Variants in TJP1 observed in about 807,000 individuals in gnomAD.
The protein encoded by TJP1 is tight junction protein 1.
Under a neutral mutation model 194.2 loss-of-function variants are expected in TJP1, and 43 were observed. That is an observed-to-expected ratio of 0.22 (90% CI 0.17 to 0.29). The LOEUF is 0.29. Among genes scored for constraint, TJP1 ranks in the 10% least tolerant of loss-of-function variants. The probability of loss-of-function intolerance (pLI) is 1.00; values close to 1 mark genes in which losing one functional copy is unlikely to be tolerated. For synonymous variants in TJP1, 801 were observed against 779.0 expected (o/e 1.03, Z -0.47); for missense variants, 1,971 against 2,185.7 (o/e 0.90, Z 1.96).
At chr15:29,858,216 C>A (rs775352904) in intron 2 of TJP1, among the ~76,000 whole-genome samples, 1 of 152,128 alleles carries the variant, frequency 6.6e-6, no homozygotes, top group Non-Finnish European at 1.5e-5. Flanking sequence ...ACCTGGGCAA[C>A]ATGTCGAAAC....
chr15:29,853,614 TC>T (rs1328564154), intron 2 of TJP1, among the ~76,000 whole-genome samples: 1 of 152,000 alleles, frequency 6.6e-6, no homozygotes, highest in Non-Finnish European at 1.5e-5. Context: ...GCTGTATTTT[TC>T]CCCCCACAGG....
chr15:29,744,171 C>CT (rs1366708550), intron 8 of TJP1, among the ~76,000 whole-genome samples: 1 of 152,068 alleles, frequency 6.6e-6, no homozygotes, highest in Non-Finnish European at 1.5e-5. Context: ...GAGCAAGACT[C>CT]TGTCTCAAAA....
chr15:29,891,771 TCTGACTGTTCCA>T (rs1338678915), intron 2 of TJP1, among the ~76,000 whole-genome samples: 1 of 152,208 alleles, frequency 6.6e-6, no homozygotes, highest in African/African-American at 2.4e-5. Flanking sequence ...TTGGGTGTGT[TCTGACTGTTCCA>T]CTGACCGGCC....
chr15:29,774,321 A>T (rs1464801686), intron 2 of TJP1, among the ~76,000 whole-genome samples: 2 of 152,204 alleles, frequency 1.3e-5, no homozygotes, highest in African/African-American at 4.8e-5. Flanking sequence ...AAAGAAAAAA[A>T]AAAATCTTCT....
chr15:29,951,787 CT>C (rs753554078), intron 2 of TJP1, among the ~76,000 whole-genome samples: 2 of 152,082 alleles, frequency 1.3e-5, no homozygotes, highest in East Asian at 1.9e-4. Flanking sequence ...CTGCACAAAA[CT>C]TTTTGTAGTA....
At chr15:29,726,523 CA>C in intron 17 of TJP1, 44 bp from the exon 18 acceptor site, 1 of 1,566,842 alleles carries the variant, frequency 6.4e-7, no homozygotes, top group East Asian at 2.2e-5. Context: ...AGAGCACTGC[CA>C]AAAGTCAGAA....
At chr15:29,902,106 T>G (rs955339065) in intron 2 of TJP1, among the ~76,000 whole-genome samples, 1 of 152,224 alleles carries the variant, frequency 6.6e-6, no homozygotes, top group Non-Finnish European at 1.5e-5. Context: ...AAAATCCAGA[T>G]AGTAAATGAA....
At chr15:29,938,628 G>A (rs77571310) in intron 2 of TJP1, among the ~76,000 whole-genome samples, 2,167 of 152,226 alleles carry the variant, frequency 0.014, 52 homozygotes, top group African/African-American at 0.049. Context: ...AATCACCTTC[G>A]AATAAGCACA....
At chr15:29,706,173 T>A (rs997642141) in intron 25 of TJP1, among the ~76,000 whole-genome samples, 1 of 152,208 alleles carries the variant, frequency 6.6e-6, no homozygotes, top group Non-Finnish European at 1.5e-5. Flanking sequence ...CTCGTCGTGA[T>A]CCACCTGCCT....
At chr15:29,945,903 G>A (rs2055265465) in intron 2 of TJP1, among the ~76,000 whole-genome samples, 1 of 152,046 alleles carries the variant, frequency 6.6e-6, no homozygotes. Context: ...AGAGGGCCTG[G>A]AAGAAATGTA....
At chr15:29,959,915 G>A (rs1482212578) in intron 1 of TJP1, among the ~76,000 whole-genome samples, 1 of 152,106 alleles carries the variant, frequency 6.6e-6, no homozygotes, top group Non-Finnish European at 1.5e-5. Flanking sequence ...CTTCTCCACA[G>A]GGTAAAAGCT....
At chr15:29,775,938 C>G (rs2046989883) in intron 2 of TJP1, among the ~76,000 whole-genome samples, 1 of 152,220 alleles carries the variant, frequency 6.6e-6, no homozygotes, top group East Asian at 1.9e-4. Flanking sequence ...CAAATGATTT[C>G]CCAGAGAAAT....
At chr15:29,773,005 T>TG (rs2046790258) in intron 3 of TJP1, among the ~76,000 whole-genome samples, 1 of 152,060 alleles carries the variant, frequency 6.6e-6, no homozygotes, top group Admixed American at 6.5e-5. Flanking sequence ...TGGTCTCAAG[T>TG]GATCCCCCTG....
chr15:29,914,326 A>AT (rs770052500), intron 2 of TJP1, among the ~76,000 whole-genome samples: 1 of 152,158 alleles, frequency 6.6e-6, no homozygotes, highest in East Asian at 1.9e-4. Flanking sequence ...AGGGGATGCT[A>AT]TATAGAGCTC....
chr15:29,750,394 C>T (rs911717662), intron 8 of TJP1, among the ~76,000 whole-genome samples: 1 of 152,152 alleles, frequency 6.6e-6, no homozygotes, highest in Admixed American at 6.5e-5. Flanking sequence ...TCGCCTCGGC[C>T]TCCCAAAGTG....
chr15:29,719,642 T>C, intron 20 of TJP1, 135 bp downstream of exon 20: 1 of 1,137,224 alleles, frequency 8.8e-7, no homozygotes, highest in Non-Finnish European at 1.2e-6. Flanking sequence ...AAATGATTTG[T>C]ATTGATTTGA....
chr15:29,716,499 G>A, intron 23 of TJP1, 112 bp downstream of exon 23: 1 of 787,530 alleles, frequency 1.3e-6, no homozygotes. Flanking sequence ...TGAACCACTA[G>A]AGCCTACAGA....
intron 2 of TJP1, among the ~76,000 whole-genome samples, chr15:29,940,907 C>T (rs2055050419): frequency 6.6e-6 from 1 of 152,100 alleles, no homozygotes; most frequent in Non-Finnish European, 1.5e-5. Context: ...CCGATGACCA[C>T]CATAACCACA....
intron 2 of TJP1, among the ~76,000 whole-genome samples, chr15:29,911,646 G>T (rs2054016965): frequency 6.6e-6 from 1 of 152,118 alleles, no homozygotes; most frequent in Non-Finnish European, 1.5e-5. Context: ...CACGAGAACA[G>T]CAAGGGGGAA....
Sources: gnomAD v4.1 joint callset for allele counts (sites outside exome capture counted in the v4.1 genomes callset) on GRCh38, gnomAD v4.1.1 for gene constraint, MANE v1.5 for transcripts, NCBI Gene and HGNC (gene_info 2026-07-23, HGNC 2026-07-21) for gene names.